PLEKHA7: variants seen among roughly 807,000 people sequenced by gnomAD.
PLEKHA7 encodes pleckstrin homology domain-containing family A member 7.
In PLEKHA7, 104 loss-of-function variants were observed where a neutral mutation model predicts 170.0. The ratio of observed to expected loss-of-function variants is 0.61; its 90% CI spans 0.52 to 0.72. The LOEUF (loss-of-function observed/expected upper bound fraction) is 0.72. Ranked by LOEUF, PLEKHA7 falls within the 30% of genes least tolerant of loss-of-function variation. The pLI, the probability that PLEKHA7 is intolerant of heterozygous loss-of-function variation, is 0.00. For missense variants in PLEKHA7, 1,615 were observed against 1,671.7 expected (o/e 0.97, Z 0.59); for synonymous variants, 648 against 660.8 (o/e 0.98, Z 0.30).
At chr11:16,830,027 G>A (rs1471489002) in intron 9 of PLEKHA7, among the ~76,000 whole-genome samples, 2 of 151,794 alleles carry the variant, frequency 1.3e-5, no homozygotes, top group Non-Finnish European at 2.9e-5. Flanking sequence ...CACCAAGGCT[G>A]GAATGCACTA....
chr11:16,948,934 G>C (rs1281957972), intron 3 of PLEKHA7, among the ~76,000 whole-genome samples: 1 of 152,160 alleles, frequency 6.6e-6, no homozygotes, highest in African/African-American at 2.4e-5. Flanking sequence ...ATCATCCCTG[G>C]AGCAGGACGT....
chr11:16,791,456 C>CCAGGACT lies in PLEKHA7; in HGVS notation c.2746-264_2746-258dup, dbSNP rs552967296. 172 of 616,954 alleles carry CCAGGACT rather than the reference C, an allele frequency of 2.8e-4. 1 individual carries two copies. In the African/African-American group the frequency reaches 2.8e-3, roughly 10 times the overall value. The allele number at this position is 616,954 out of a possible 1,614,324, so 38.2% of individuals were successfully genotyped here. On this transcript the variant is annotated intron_variant, in intron 19 of 26. Coordinates refer to ENST00000531066, the MANE Select transcript of PLEKHA7 (RefSeq NM_001329630.2). The surrounding 1 kb of genome is among the most constrained non-coding windows in gnomAD (Gnocchi z 4.5). The stretch of plus-strand genomic sequence containing the variant: ...TACCTGTATAACTGTGTCCTGAAAC[C>CCAGGACT]CAGGACTCAGGTCTCCTGGGTCCAT...
At chr11:16,977,052 TC>T (rs1217865258) in intron 3 of PLEKHA7, among the ~76,000 whole-genome samples, 2 of 152,166 alleles carry the variant, frequency 1.3e-5, no homozygotes, top group African/African-American at 2.4e-5. Flanking sequence ...AGCCAGAGCA[TC>T]CCCATCCCTC....
At chr11:16,804,638 A>G (rs765854425) in intron 13 of PLEKHA7, among the ~76,000 whole-genome samples, 1 of 152,210 alleles carries the variant, frequency 6.6e-6, no homozygotes, top group Non-Finnish European at 1.5e-5. Flanking sequence ...CCATTGTTTT[A>G]TCTTGGTAAA....
chr11:16,887,022 A>C (rs772822223), intron 3 of PLEKHA7, among the ~76,000 whole-genome samples: 3 of 152,206 alleles, frequency 2.0e-5, no homozygotes, highest in Non-Finnish European at 4.4e-5. Context: ...ATAACTTCTC[A>C]GTTTATCAGT....
At chr11:16,871,246 G>A in intron 3 of PLEKHA7, 64 bp from the exon 4 acceptor site, 2 of 1,320,910 alleles carry the variant, frequency 1.5e-6, no homozygotes, top group South Asian at 1.2e-5. Context: ...GACACGACAG[G>A]TCAGTCAGCA....
At chr11:16,849,739 A>G (rs1852765289) in intron 8 of PLEKHA7, among the ~76,000 whole-genome samples, 1 of 152,234 alleles carries the variant, frequency 6.6e-6, no homozygotes, top group Non-Finnish European at 1.5e-5. Context: ...CACCATGAGC[A>G]TTAAATGAGG....
At chr11:16,849,280 G>A (rs1852721499) in intron 8 of PLEKHA7, among the ~76,000 whole-genome samples, 1 of 152,170 alleles carries the variant, frequency 6.6e-6, no homozygotes, top group African/African-American at 2.4e-5. Flanking sequence ...GAAGTGTTAA[G>A]ATAAAAATTA....
At chr11:16,971,072 C>T (rs1862681758) in intron 3 of PLEKHA7, among the ~76,000 whole-genome samples, 1 of 152,178 alleles carries the variant, frequency 6.6e-6, no homozygotes, top group South Asian at 2.1e-4. Context: ...GCAATGAGTC[C>T]TTGATTAGAG....
rs765361557 is a variant in PLEKHA7, at chr11:16,791,110, G to A, written c.2835C>T (p.Ala945=). 2.8e-5 allele frequency: 45 copies of A among 1,614,152 alleles called. No homozygotes were observed. Among genetic ancestry groups the A allele is most frequent in the Non-Finnish European group, 3.8e-5 (45 of 1,180,030 alleles). ...PPAVPPLPRE[A]TIIRHTSVRG... ...GCACAGATGTGTGCCGGATGATGGT[G>A]GCCTCTCTTGGCAGAGGCGGCACAG... The change falls in exon 20 of 27, where the codon GCC becomes GCT. Residue 945 remains alanine, a synonymous_variant. Transcript: ENST00000531066. The surrounding 1 kb of genome is among the most constrained non-coding windows in gnomAD (Gnocchi z 4.5).
intron 3 of PLEKHA7, among the ~76,000 whole-genome samples, chr11:16,902,623 T>C (rs1857411705): frequency 6.6e-6 from 1 of 152,270 alleles, no homozygotes; most frequent in Non-Finnish European, 1.5e-5. Flanking sequence ...ATTTGCTTAT[T>C]GGTCATTTGT....
chr11:16,779,981 G>T (rs201832717), intron 26 of PLEKHA7, among the ~76,000 whole-genome samples: 2 of 11,728 alleles, frequency 1.7e-4, no homozygotes, highest in Non-Finnish European at 2.3e-4. Flanking sequence ...AAAACGGGGA[G>T]GGGGGGGGGA....
At chr11:16,950,053 G>A (rs1231047041) in intron 3 of PLEKHA7, among the ~76,000 whole-genome samples, 1 of 138,588 alleles carries the variant, frequency 7.2e-6, no homozygotes, top group Non-Finnish European at 1.6e-5. Context: ...GGTTAAGGGG[G>A]GAGTGAAGGC....
chr11:16,815,902 TG>T (rs1403480674), intron 12 of PLEKHA7, among the ~76,000 whole-genome samples: 1 of 151,976 alleles, frequency 6.6e-6, no homozygotes, highest in Non-Finnish European at 1.5e-5. Context: ...TGGAAAAAGG[TG>T]GGTAGCTGAA....
chr11:16,887,916 T>C (rs190064097), intron 3 of PLEKHA7, among the ~76,000 whole-genome samples: 1,933 of 147,948 alleles, frequency 0.013, 35 homozygotes, highest in African/African-American at 0.044. Context: ...GAGGAGTGCC[T>C]CTTCCCGGCT....
intron 10 of PLEKHA7, among the ~76,000 whole-genome samples, chr11:16,819,433 C>A (rs1458574105): frequency 1.3e-5 from 2 of 152,136 alleles, no homozygotes; most frequent in African/African-American, 4.8e-5. Context: ...AAAAATTAAG[C>A]AAGGGACAAA....
At position 16,810,771 on chromosome 11, in the gene PLEKHA7, C is replaced by T. The variant is rs187638521; in HGVS notation, c.2007+2342G>A. ...GCTCAGCTCCACAAAAACATAAGGCCTTTGGGTACACAGTGGTAGAGCACC... is the reference window on the plus strand; with the variant it reads ...GCTCAGCTCCACAAAAACATAAGGCTTTTGGGTACACAGTGGTAGAGCACC... On this transcript the variant is annotated intron_variant, in intron 13 of 26. Transcript: ENST00000531066. 1.3e-4 allele frequency among the ~76,000 whole-genome samples: 20 copies of T among 152,264 alleles called. No homozygotes were observed. The East Asian group carries it at 2.5e-3, about 19-fold the overall frequency.
chr11:16,930,278 GT>G (rs1485372684), intron 3 of PLEKHA7, among the ~76,000 whole-genome samples: 1 of 151,824 alleles, frequency 6.6e-6, no homozygotes, highest in African/African-American at 2.4e-5. Flanking sequence ...GAGGGCCCAA[GT>G]TTCTCAAAAC....
chr11:16,778,841 T>C lies in PLEKHA7; in HGVS notation c.*157A>G. The C allele has an allele frequency of 1.5e-6, 1 of 660,950 alleles. No individual in the cohort carries two copies. The highest frequency in any genetic ancestry group is 2.7e-6 in the Non-Finnish European group (1 of 363,810). 40.9% of individuals were successfully genotyped at this position (660,950 alleles called of 1,614,324 possible). On this transcript the variant is annotated 3_prime_UTR_variant, in exon 27 of 27. Coordinates refer to ENST00000531066, the MANE Select transcript of PLEKHA7 (RefSeq NM_001329630.2). ...AAACTAGTGGGTGCATATTAGGGCC[T>C]GGCCTGTGGTGAACACCCGCAGTCG...
Sources: allele counts gnomAD v4.1 joint callset (sites outside exome capture counted in the v4.1 genomes callset), GRCh38; gene constraint gnomAD v4.1.1; non-coding constraint Gnocchi (gnomAD v3.1); transcripts MANE v1.5; gene names NCBI Gene and HGNC (gene_info 2026-07-23, HGNC 2026-07-21).